The following NEK10 variants were observed in gnomAD, a reference collection of about 807,000 sequenced individuals.
The protein encoded by NEK10 is NIMA related kinase 10.
Under a neutral mutation model 159.8 loss-of-function variants are expected in NEK10, and 122 were observed. That is an observed-to-expected ratio of 0.76 (90% CI 0.66 to 0.89). The LOEUF (loss-of-function observed/expected upper bound fraction) is 0.89. Ranked by LOEUF, NEK10 falls within the 40% of genes least tolerant of loss-of-function variation. NEK10 has a pLI of 0.00. For missense variants in NEK10, 1,342 were observed against 1,323.1 expected (o/e 1.01, Z -0.22); for synonymous variants, 466 against 457.1 (o/e 1.02, Z -0.25).
chr3:27,317,099 T>C (rs1225339400), intron 6 of NEK10, among the ~76,000 whole-genome samples: 2 of 152,234 alleles, frequency 1.3e-5, no homozygotes, highest in Non-Finnish European at 2.9e-5. Context: ...TTATGTTATG[T>C]ACTCAAGAAT....
intron 22 of NEK10, among the ~76,000 whole-genome samples, chr3:27,274,809 T>G (rs2041648256): frequency 6.6e-6 from 1 of 152,100 alleles, no homozygotes; most frequent in Non-Finnish European, 1.5e-5. Context: ...AGCATAGTAC[T>G]CTGTACCACT....
intron 22 of NEK10, among the ~76,000 whole-genome samples, chr3:27,264,889 A>T (rs6779036): frequency 0.29 from 38,949 of 136,584 alleles, 5,203 homozygotes; most frequent in Admixed American, 0.39. Context: ...AGCGAAAATC[A>T]GTCTAAATAA....
At chr3:27,214,853 C>T in intron 23 of NEK10, 3 of 1,227,284 alleles carry the variant, frequency 2.4e-6, no homozygotes, top group Non-Finnish European at 3.6e-6. Context: ...AATCATGTGA[C>T]AGTTGGAGTA....
At chr3:27,350,952 A>G (rs1324717777) in intron 3 of NEK10, among the ~76,000 whole-genome samples, 1 of 152,156 alleles carries the variant, frequency 6.6e-6, no homozygotes, top group Non-Finnish European at 1.5e-5. Flanking sequence ...TCTGGCCAAG[A>G]ACTCATCAAA....
At chr3:27,137,928 A>G (rs528800539) in intron 31 of NEK10, among the ~76,000 whole-genome samples, 3 of 152,342 alleles carry the variant, frequency 2.0e-5, no homozygotes, top group East Asian at 1.9e-4. Context: ...TAAGTGTGTC[A>G]GTAAGCAGCC....
In NEK10 at chr3:27,131,981, C is replaced by T; in HGVS notation, c.2980G>A (p.Ala994Thr). 6.4e-7 allele frequency: 1 copy of T among 1,574,308 alleles called. No homozygotes were observed. The highest frequency in any genetic ancestry group is 1.1e-5 in the South Asian group (1 of 89,642). The change falls in exon 32 of 36, where the codon GCT (alanine) becomes ACT (threonine). Residue 994 changes from alanine to threonine, a missense_variant. Ala to Thr is a moderately conservative substitution (Grantham distance 58, BLOSUM62 0). Coordinates refer to ENST00000691995, the MANE Select transcript of NEK10 (RefSeq NM_001394966.1). ...CTTCTTTTCAAATTGTGGTGCAAAG[C>T]TGGAGGAAGCTGCATAAAATAAGAA... ...KIIYITQLPP[A>T]LHHNLKRRVI...
Position 27,293,619 on chromosome 3 carries a change from T to C in NEK10, c.1342A>G (p.Ser448Gly). ...YAFRALRFLFSMERNRPLFKR... is the reference protein window; with the variant it reads ...YAFRALRFLFGMERNRPLFKR... ...AAGAGTGGTCTGTTTCTTTCCATAC[T>C]GAAGAGAAATCTCAAGGCTCTGAAA... is the stretch of plus-strand genomic sequence containing the variant. The change falls in exon 16 of 36, where the codon AGT becomes GGT. Residue 448 changes from serine to glycine, a missense_variant. Ser to Gly is a moderately conservative substitution (Grantham distance 56). Transcript: ENST00000691995. 1 of 1,580,028 alleles carries C rather than the reference T, an allele frequency of 6.3e-7. No individual in the cohort carries two copies. Among genetic ancestry groups the C allele is most frequent in the Non-Finnish European group, 8.7e-7 (1 of 1,151,934 alleles).
intron 22 of NEK10, among the ~76,000 whole-genome samples, chr3:27,267,598 A>C (rs906704186): frequency 1.3e-5 from 2 of 152,184 alleles, no homozygotes; most frequent in African/African-American, 4.8e-5. Context: ...GTTTTGGGAC[A>C]CTACAAACCA....
chr3:27,215,967 AC>A, intron 23 of NEK10: 1 of 519,876 alleles, frequency 1.9e-6, no homozygotes. Flanking sequence ...ATCACCTCCC[AC>A]CAGGCTCCAC....
At chr3:27,111,563 A>G (rs1478212189) in intron 35 of NEK10, among the ~76,000 whole-genome samples, 1 of 152,214 alleles carries the variant, frequency 6.6e-6, no homozygotes, top group Non-Finnish European at 1.5e-5. Flanking sequence ...GTAGAAAAAC[A>G]AATATTCATT....
chr3:27,300,885 C>T (rs1457679720), intron 13 of NEK10, among the ~76,000 whole-genome samples: 1 of 152,200 alleles, frequency 6.6e-6, no homozygotes, highest in Non-Finnish European at 1.5e-5. Flanking sequence ...CTTGTTTTCA[C>T]ACCATCTATG....
rs7616805 is a variant in NEK10 at position 27,110,693 on chromosome 3, C to G, written c.*579G>C. Reference sequence around the variant, plus strand: ...TATCACAGTTCAAGACCACTAGCACCCAAGTGGTTAAGCGAGAACCAACCC... The same window carrying G: ...TATCACAGTTCAAGACCACTAGCACGCAAGTGGTTAAGCGAGAACCAACCC... On this transcript the variant is annotated 3_prime_UTR_variant, in exon 36 of 36. Transcript: ENST00000691995. 2 of 151,946 alleles carry G rather than the reference C, an allele frequency of 1.3e-5. No individual in the cohort carries two copies. The highest frequency in any genetic ancestry group is 2.9e-5 in the Non-Finnish European group (2 of 67,970). The allele number at this position is 151,946 out of a possible 1,614,324, so 9.4% of individuals were successfully genotyped here. A position where few individuals can be genotyped will look rare whatever the true frequency, so the allele number is the denominator to read the frequency against.
chr3:27,191,263 T>C (rs907909092), intron 26 of NEK10, among the ~76,000 whole-genome samples: 7 of 151,820 alleles, frequency 4.6e-5, no homozygotes, highest in Admixed American at 3.3e-4. Context: ...AAGAGTTTTA[T>C]GATCCAATTG....
intron 3 of NEK10, among the ~76,000 whole-genome samples, chr3:27,350,672 C>T (rs2047905186): frequency 6.6e-6 from 1 of 151,772 alleles, no homozygotes; most frequent in Non-Finnish European, 1.5e-5. Flanking sequence ...TAAAGTTGTC[C>T]CACAACAGAT....
chr3:27,182,139 G>T (rs1948176528), intron 26 of NEK10, among the ~76,000 whole-genome samples: 3 of 152,234 alleles, frequency 2.0e-5, no homozygotes, highest in Non-Finnish European at 1.5e-5. Context: ...ACAGCATGAT[G>T]ATTATACTTA....
At chr3:27,233,289 A>C (rs1282430792) in intron 23 of NEK10, among the ~76,000 whole-genome samples, 1 of 152,134 alleles carries the variant, frequency 6.6e-6, no homozygotes, top group Non-Finnish European at 1.5e-5. Context: ...ACATATGAAA[A>C]ATGCTCAACA....
intron 33 of NEK10, among the ~76,000 whole-genome samples, chr3:27,119,003 G>A (rs562988738): frequency 1.1e-3 from 172 of 152,258 alleles, no homozygotes; most frequent in African/African-American, 1.9e-3. Context: ...CATAGCTACC[G>A]TTTATAAAGA....
chr3:27,203,758 A>T (rs1575227594), intron 23 of NEK10, among the ~76,000 whole-genome samples: 1 of 89,670 alleles, frequency 1.1e-5, no homozygotes, highest in Admixed American at 1.4e-4. Flanking sequence ...GTATTGACTT[A>T]AAAATAATCA....
At chr3:27,225,607 A>G (rs1952556556) in intron 23 of NEK10, among the ~76,000 whole-genome samples, 1 of 152,214 alleles carries the variant, frequency 6.6e-6, no homozygotes, top group Non-Finnish European at 1.5e-5. Context: ...CCCAGCAGTC[A>G]GGCTTGAAGG....
Sources: allele counts gnomAD v4.1 joint callset (sites outside exome capture counted in the v4.1 genomes callset), GRCh38; gene constraint gnomAD v4.1.1; transcripts MANE v1.5; gene names NCBI Gene and HGNC (gene_info 2026-07-23, HGNC 2026-07-21).